AGTR1: variants seen among roughly 807,000 people sequenced by gnomAD.
AGTR1 encodes the protein type-1 angiotensin II receptor.
In AGTR1, 16 loss-of-function variants were observed where a neutral mutation model predicts 19.4. The observed-to-expected ratio is 0.82, with a 90% CI of 0.56 to 1.25. The LOEUF (loss-of-function observed/expected upper bound fraction) is 1.25, where lower values mean the gene tolerates loss of function less well. Ranked by LOEUF, AGTR1 falls within the 50% of genes most tolerant of loss-of-function variation. AGTR1 has a pLI of 0.00. For synonymous variants in AGTR1, 153 were observed against 154.9 expected (o/e 0.99, Z 0.09); for missense variants, 373 against 431.9 (o/e 0.86, Z 1.21).
chr3:148,701,436 C>T (rs1314660032), intron 1 of AGTR1, among the ~76,000 whole-genome samples: 1 of 152,106 alleles, frequency 6.6e-6, no homozygotes, highest in Non-Finnish European at 1.5e-5. Context: ...AATTGTCTTC[C>T]AAAATATTTA....
chr3:148,715,504 C>A (rs975195879), intron 2 of AGTR1, among the ~76,000 whole-genome samples: 4 of 152,056 alleles, frequency 2.6e-5, no homozygotes, highest in Admixed American at 6.6e-5. Flanking sequence ...CACCAGCCTC[C>A]ATTAGAGACA....
chr3:148,698,824 C>T (rs938402608), intron 1 of AGTR1, among the ~76,000 whole-genome samples: 7 of 152,200 alleles, frequency 4.6e-5, no homozygotes, highest in African/African-American at 1.4e-4. Context: ...CAAAAGGTCT[C>T]CTGCTTCCAG....
At chr3:148,726,877 T>C (rs754901255) in intron 2 of AGTR1, among the ~76,000 whole-genome samples, 2 of 152,170 alleles carry the variant, frequency 1.3e-5, no homozygotes, top group African/African-American at 2.4e-5. Flanking sequence ...AGAACAGTGG[T>C]GTTTTCATAG....
At chr3:148,729,087 C>T (rs921355368) in intron 2 of AGTR1, among the ~76,000 whole-genome samples, 4 of 152,324 alleles carry the variant, frequency 2.6e-5, no homozygotes, top group African/African-American at 9.6e-5. Flanking sequence ...AAAGCACTAA[C>T]ACGGTTATTA....
chr3:148,740,810 T>C (rs2107973498), intron 2 of AGTR1, among the ~76,000 whole-genome samples, 179 bp from the exon 3 acceptor site: 1 of 152,368 alleles, frequency 6.6e-6, no homozygotes, highest in East Asian at 1.9e-4. Context: ...GTTCTAAAAT[T>C]TAAGTGTGCT....
At position 148,716,178 on chromosome 3, in the gene AGTR1, T is replaced by A. The variant is rs1713295547; in HGVS notation, c.-48+8151T>A. Reference sequence around the variant, plus strand: ...TCAGAGCACTCCACCAGTGCCCTTGTCCTCCTGGGCAGAGCTCCTCAGCTA... The same window carrying A: ...TCAGAGCACTCCACCAGTGCCCTTGACCTCCTGGGCAGAGCTCCTCAGCTA... On this transcript the variant is annotated intron_variant, in intron 2 of 2. Coordinates refer to ENST00000349243, the MANE Select transcript of AGTR1 (RefSeq NM_000685.5). This position sits in a 1 kb window ranked among gnomAD's most constrained non-coding sequence, Gnocchi z 4.7. Among the ~76,000 whole-genome samples, 3 of 152,142 alleles carry A rather than the reference T, an allele frequency of 2.0e-5. No homozygotes were observed. The South Asian group carries it at 6.2e-4, about 32-fold the overall frequency.
intron 2 of AGTR1, among the ~76,000 whole-genome samples, chr3:148,719,847 T>C (rs543532696): frequency 5.9e-5 from 9 of 152,378 alleles, no homozygotes; most frequent in African/African-American, 1.9e-4. Context: ...GCCGGTTCTA[T>C]GACAGCTCTC....
chr3:148,711,478 T>C (rs1034923089), intron 2 of AGTR1, among the ~76,000 whole-genome samples: 1 of 152,164 alleles, frequency 6.6e-6, no homozygotes, highest in Non-Finnish European at 1.5e-5. Context: ...TGGAACCAGT[T>C]TGGAATTTTT....
chr3:148,742,046 T>G lies in AGTR1; in HGVS notation c.1011T>G (p.Leu337=). Reference sequence around the variant, plus strand: ...ACCTTTCAACAAAAATGAGCACGCTTTCCTACCGCCCCTCAGATAATGTAA... The same window carrying G: ...ACCTTTCAACAAAAATGAGCACGCTGTCCTACCGCCCCTCAGATAATGTAA... ...HSNLSTKMST[L]SYRPSDNVSS... Residue 337 remains leucine, a synonymous_variant, in exon 3 of 3, where the codon CTT becomes CTG. Coordinates refer to ENST00000349243, the MANE Select transcript of AGTR1 (RefSeq NM_000685.5). The G allele has an allele frequency of 6.2e-7, 1 of 1,614,042 alleles. No individual in the cohort carries two copies. The highest frequency in any genetic ancestry group is 8.5e-7 in the Non-Finnish European group (1 of 1,179,996).
In AGTR1 at chr3:148,733,056, G is replaced by A. The variant is rs577251492; in HGVS notation, c.-47-7933G>A. ...CGCCCGGCCCGGAAAATTTTTTTAA[G>A]AGTATAACCAACTCCCCGAGGATAC... On this transcript the variant is annotated intron_variant, in intron 2 of 2. Coordinates refer to ENST00000349243, the MANE Select transcript of AGTR1 (RefSeq NM_000685.5). Among the ~76,000 whole-genome samples the A allele has an allele frequency of 7.2e-5, 11 of 152,126 alleles. No homozygotes were observed. The South Asian group carries it at 2.3e-3, about 32-fold the overall frequency.
intron 2 of AGTR1, among the ~76,000 whole-genome samples, chr3:148,726,318 C>G (rs904994570): frequency 6.6e-6 from 1 of 152,080 alleles, no homozygotes; most frequent in Admixed American, 6.5e-5. Flanking sequence ...AAGTGATTCT[C>G]CTACATCAGC....
At chr3:148,698,719 A>G (rs1165571783) in intron 1 of AGTR1, among the ~76,000 whole-genome samples, 1 of 152,146 alleles carries the variant, frequency 6.6e-6, no homozygotes, top group Non-Finnish European at 1.5e-5. Context: ...ATGTCCTTTG[A>G]ATAATCAAAC....
rs770545754 is a variant in AGTR1 at position 148,741,331 on chromosome 3, AC to A, written c.298del (p.Leu100TyrfsTer35). On this transcript the variant is annotated frameshift_variant, in exon 3 of 3. Coordinates refer to ENST00000349243, the MANE Select transcript of AGTR1 (RefSeq NM_000685.5). LOFTEE classifies it high-confidence loss of function. ...GAATACCGCTGGCCCTTTGGCAATT[AC>A]CTATGTAAGATTGCTTCAGCCAGCG... ...AMEYRWPFGN[Y>X]LCKIASASVS... The A allele has an allele frequency of 5.0e-6, 8 of 1,609,084 alleles. No homozygotes were observed. Among genetic ancestry groups the A allele is most frequent in the Non-Finnish European group, 5.9e-6 (7 of 1,179,914 alleles).
chr3:148,737,227 G>A (rs1190647189), intron 2 of AGTR1, among the ~76,000 whole-genome samples: 2 of 152,064 alleles, frequency 1.3e-5, no homozygotes, highest in Non-Finnish European at 2.9e-5. Flanking sequence ...ACACCCCCAA[G>A]AGCGTTGTGC....
intron 1 of AGTR1, among the ~76,000 whole-genome samples, chr3:148,704,361 G>A (rs1323328493): frequency 7.8e-6 from 1 of 127,544 alleles, no homozygotes; most frequent in African/African-American, 3.7e-5. Context: ...GAAAGACCCT[G>A]TCTCGAATAA....
chr3:148,713,305 T>A (rs1001235974), intron 2 of AGTR1, among the ~76,000 whole-genome samples: 26 of 145,584 alleles, frequency 1.8e-4, no homozygotes, highest in Non-Finnish European at 2.8e-4. Context: ...CAATCCATAT[T>A]GGTTGGAGGG....
rs1294900227 is a variant in AGTR1 at position 148,707,995 on chromosome 3, C to T, written c.-80C>T. 1 of 152,072 alleles carries T rather than the reference C, an allele frequency of 6.6e-6. No individual in the cohort carries two copies. The highest frequency in any genetic ancestry group is 2.4e-5 in the African/African-American group (1 of 41,404). 9.4% of individuals were successfully genotyped at this position (152,072 alleles called of 1,614,324 possible). On this transcript the variant is annotated 5_prime_UTR_variant, in exon 2 of 3. Transcript: ENST00000349243. ...AATGGCTGGGTTTTTATCTGAATAACTCACTGATGCCATCCCAGAAAGTCG... is the reference window on the plus strand; with the variant it reads ...AATGGCTGGGTTTTTATCTGAATAATTCACTGATGCCATCCCAGAAAGTCG...
intron 2 of AGTR1, among the ~76,000 whole-genome samples, chr3:148,721,233 A>G (rs576210930): frequency 6.6e-6 from 1 of 152,234 alleles, no homozygotes; most frequent in East Asian, 1.9e-4. Flanking sequence ...GTAAAAGCCC[A>G]CTCTCAGTGT....
At chr3:148,734,416 T>C (rs1229878114) in intron 2 of AGTR1, among the ~76,000 whole-genome samples, 1 of 152,192 alleles carries the variant, frequency 6.6e-6, no homozygotes, top group African/African-American at 2.4e-5. Flanking sequence ...GCAGAATTAA[T>C]AAAGCAGCTT....
Sources: allele counts gnomAD v4.1 joint callset (sites outside exome capture counted in the v4.1 genomes callset), GRCh38; gene constraint gnomAD v4.1.1; non-coding constraint Gnocchi (gnomAD v3.1); transcripts MANE v1.5; gene names NCBI Gene and HGNC (gene_info 2026-07-23, HGNC 2026-07-21).